ASIP: variants seen among roughly 807,000 people sequenced by gnomAD.
ASIP encodes agouti-signaling protein.
A neutral mutation model predicts 10.3 loss-of-function variants in ASIP; 11 were observed. The observed-to-expected ratio is 1.07, with a 90% CI of 0.68 to 1.78. The LOEUF (loss-of-function observed/expected upper bound fraction) is 1.78. ASIP is among the 40% of genes most tolerant of loss of function. ASIP has a pLI of 0.00. For synonymous variants in ASIP, 70 were observed against 70.8 expected, an observed-to-expected ratio of 0.99 and a Z score of 0.06; for missense variants, 180 against 169.2, an observed-to-expected ratio of 1.06 and a Z score of -0.35.
At chr20:34,214,375 A>G in intron 1 of ASIP, 2 of 1,328,864 alleles carry the variant, frequency 1.5e-6, no homozygotes, top group Non-Finnish European at 2.2e-6. Context: ...AACGTCACAG[A>G]TGTATGCTGA....
At chr20:34,267,980 G>A (rs1440349055) in intron 3 of ASIP, among the ~76,000 whole-genome samples, 1 of 152,016 alleles carries the variant, frequency 6.6e-6, no homozygotes, top group East Asian at 1.9e-4. Context: ...TTGAAATCTG[G>A]TGCATAGTTT....
chr20:34,191,462 C>A (rs978129428), upstream of ASIP, among the ~76,000 whole-genome samples: 1 of 152,134 alleles, frequency 6.6e-6, no homozygotes, highest in African/African-American at 2.4e-5. Flanking sequence ...CTGGTCCCAG[C>A]GGTCTGTGGG....
chr20:34,201,204 G>A (rs897843502), intron 1 of ASIP, among the ~76,000 whole-genome samples: 3 of 151,924 alleles, frequency 2.0e-5, no homozygotes, highest in Non-Finnish European at 4.4e-5. Context: ...GATGGCCACC[G>A]GAGTGCGGGT....
At chr20:34,227,894 G>A (rs966121715) in intron 1 of ASIP, among the ~76,000 whole-genome samples, 6 of 152,190 alleles carry the variant, frequency 3.9e-5, no homozygotes, top group Admixed American at 2.0e-4. Context: ...AAACAGTGTA[G>A]TATTGCTATA....
At chr20:34,223,210 T>C (rs551711869) in intron 1 of ASIP, among the ~76,000 whole-genome samples, 1 of 150,146 alleles carries the variant, frequency 6.7e-6, no homozygotes, top group African/African-American at 2.5e-5. Flanking sequence ...CGCCATCACA[T>C]CTAGGAAGTG....
intron 1 of ASIP, among the ~76,000 whole-genome samples, chr20:34,204,184 G>A (rs1192826820): frequency 1.3e-5 from 2 of 151,518 alleles, no homozygotes. Flanking sequence ...AGTATGTGTA[G>A]TGTGTGTAGT....
At chr20:34,257,719 G>A (rs984220200) in intron 1 of ASIP, among the ~76,000 whole-genome samples, 1 of 152,090 alleles carries the variant, frequency 6.6e-6, no homozygotes, top group African/African-American at 2.4e-5. Context: ...CACAATCCAA[G>A]TTTACCAGTC....
At chr20:34,239,048 C>A (rs1432417595), upstream of ASIP, among the ~76,000 whole-genome samples, 1 of 152,156 alleles carries the variant, frequency 6.6e-6, no homozygotes, top group Non-Finnish European at 1.5e-5. Flanking sequence ...CTAATTATTT[C>A]TAAGGGAATA....
At chr20:34,263,065 C>A (rs1290349782) in intron 3 of ASIP, among the ~76,000 whole-genome samples, 172 bp downstream of exon 3, 1 of 152,058 alleles carries the variant, frequency 6.6e-6, no homozygotes, top group East Asian at 1.9e-4. Flanking sequence ...AGCCAGACAC[C>A]CACAGAAGCC....
chr20:34,227,163 A>G (rs1352927613), intron 1 of ASIP, among the ~76,000 whole-genome samples: 1 of 152,224 alleles, frequency 6.6e-6, no homozygotes, highest in Admixed American at 6.5e-5. Flanking sequence ...TACAAGATTA[A>G]TATACAGAAA....
chr20:34,235,866 A>AAGGAAGGAAGGAAGGG (rs1349467682), intron 1 of ASIP, among the ~76,000 whole-genome samples: 2 of 36,864 alleles, frequency 5.4e-5, no homozygotes, highest in African/African-American at 2.9e-4. Context: ...GGAAGGAAGG[A>AAGGAAGGAAGGAAGGG]AAGGAAGGAA....
intron 1 of ASIP, among the ~76,000 whole-genome samples, chr20:34,202,557 T>C (rs1439352014): frequency 1.3e-5 from 2 of 152,190 alleles, no homozygotes; most frequent in African/African-American, 2.4e-5. Flanking sequence ...TCTGTATGGA[T>C]ATTCAATCAA....
chr20:34,235,827 A>AAGAG (rs2035178778), intron 1 of ASIP, among the ~76,000 whole-genome samples: 1 of 66,694 alleles, frequency 1.5e-5, no homozygotes, highest in Non-Finnish European at 2.4e-5. Context: ...GAAAGAAAGA[A>AAGAG]AGAAAGAAAG....
intron 1 of ASIP, among the ~76,000 whole-genome samples, chr20:34,233,142 G>A (rs1306897808): frequency 8.3e-6 from 1 of 120,284 alleles, no homozygotes; most frequent in African/African-American, 4.6e-5. Flanking sequence ...TGGGACAAGA[G>A]CTTTTTTTTT....
chr20:34,214,170 T>A (rs1797447369), intron 1 of ASIP: 1 of 1,213,016 alleles, frequency 8.2e-7, no homozygotes, highest in African/African-American at 1.5e-5. Context: ...ATTCAAAATA[T>A]CCTCAATGAA....
At chr20:34,252,555 A>G (rs750944165) in intron 1 of ASIP, among the ~76,000 whole-genome samples, 4 of 152,154 alleles carry the variant, frequency 2.6e-5, no homozygotes, top group Non-Finnish European at 5.9e-5. Flanking sequence ...CTCCTATCTT[A>G]GAATAAAATG....
At chr20:34,256,449 C>T (rs908543803) in intron 1 of ASIP, among the ~76,000 whole-genome samples, 4 of 152,172 alleles carry the variant, frequency 2.6e-5, no homozygotes, top group African/African-American at 7.2e-5. Context: ...TAGGGCTGGA[C>T]CCGATAACAC....
At chr20:34,252,959 CAT>C (rs1358198725) in intron 1 of ASIP, among the ~76,000 whole-genome samples, 1 of 152,210 alleles carries the variant, frequency 6.6e-6, no homozygotes, top group Non-Finnish European at 1.5e-5. Context: ...CAATACAGCA[CAT>C]GTTTCTGTGA....
chr20:34,257,070 C>CTTTTTTTTTTTTTT (rs56227909), intron 1 of ASIP, among the ~76,000 whole-genome samples: 111 of 139,194 alleles, frequency 8.0e-4, no homozygotes, highest in Non-Finnish European at 1.2e-3. Flanking sequence ...CTTTCTTTCT[C>CTTTTTTTTTTTTTT]TTTTTTTTTT....
Sources: gnomAD v4.1 joint callset for allele counts (sites outside exome capture counted in the v4.1 genomes callset) on GRCh38, gnomAD v4.1.1 for gene constraint, MANE v1.5 for transcripts, NCBI Gene and HGNC (gene_info 2026-07-23, HGNC 2026-07-21) for gene names.